PARP8: variants seen among roughly 807,000 people sequenced by gnomAD.
PARP8 encodes poly(ADP-ribose) polymerase family member 8.
Under a neutral mutation model 124.1 loss-of-function variants are expected in PARP8, and 51 were observed. The ratio of observed to expected loss-of-function variants is 0.41; its 90% confidence interval spans 0.33 to 0.52. The LOEUF (loss-of-function observed/expected upper bound fraction) is 0.52, where lower values mean the gene tolerates loss of function less well. PARP8 is among the 20% of genes least tolerant of loss of function. The pLI is 0.21. For missense variants in PARP8, 860 were observed against 1,018.9 expected, an observed-to-expected ratio of 0.84 and a Z score of 2.12; for synonymous variants, 391 against 361.5, an observed-to-expected ratio of 1.08 and a Z score of -0.93.
intron 7 of PARP8, among the ~76,000 whole-genome samples, chr5:50,772,135 G>C (rs1761687358): frequency 6.6e-6 from 1 of 152,094 alleles, no homozygotes; most frequent in South Asian, 2.1e-4. Flanking sequence ...CTTTACTTAA[G>C]ACTGTGTCCT....
Position 50,843,896 on chromosome 5 carries a change from A to T in PARP8, c.*1828A>T, listed in dbSNP as rs1211220513. The T allele has an allele frequency of 6.6e-6, 1 of 151,812 alleles. No individual in the cohort carries two copies. Among genetic ancestry groups the T allele is most frequent in the Admixed American group, 6.6e-5 (1 of 15,182 alleles). The allele number at this position is 151,812 out of a possible 1,614,324, so 9.4% of individuals were successfully genotyped here. A position where few individuals can be genotyped will look rare whatever the true frequency, so the allele number is the denominator to read the frequency against. ...TATACATGACAAACATGAAGATCTA[A>T]TATCAAGATTTGGGAGACGGGATCT... is the stretch of plus-strand genomic sequence containing the variant. On this transcript the variant is annotated 3_prime_UTR_variant, in exon 26 of 26. Transcript: ENST00000281631.
intron 2 of PARP8, among the ~76,000 whole-genome samples, chr5:50,733,786 A>G (rs1435546539): frequency 6.6e-6 from 1 of 152,044 alleles, no homozygotes; most frequent in African/African-American, 2.4e-5. Context: ...AGTATTTATT[A>G]TGATTATTTC....
At position 50,747,131 on chromosome 5, in the gene PARP8, T is replaced by C. The variant is rs116544180; in HGVS notation, c.147-3020T>C. 5.1e-3 allele frequency among the ~76,000 whole-genome samples: 766 copies of C among 149,720 alleles called. 8 individuals carry two copies. Among genetic ancestry groups the C allele is most frequent in the African/African-American group, 0.018 (717 of 40,730 alleles). On this transcript the variant is annotated intron_variant, in intron 2 of 25. Coordinates refer to ENST00000281631, the MANE Select transcript of PARP8 (RefSeq NM_024615.4). Reference sequence around the variant, plus strand: ...TACTTCTTTTCTACTCATCTACTTATTCAGTTATGGTTTTTTTTGTTTGTT... The same window carrying C: ...TACTTCTTTTCTACTCATCTACTTACTCAGTTATGGTTTTTTTTGTTTGTT...
At chr5:50,699,370 A>C (rs1024265915) in intron 2 of PARP8, among the ~76,000 whole-genome samples, 1 of 152,222 alleles carries the variant, frequency 6.6e-6, no homozygotes, top group Non-Finnish European at 1.5e-5. Context: ...TGGAATCTTC[A>C]GAAATAATTG....
At chr5:50,758,995 A>T (rs1262724013) in intron 3 of PARP8, among the ~76,000 whole-genome samples, 3 of 152,200 alleles carry the variant, frequency 2.0e-5, no homozygotes, top group Admixed American at 6.5e-5. Context: ...TCAATTTAAA[A>T]ATATGTATTA....
intron 21 of PARP8, among the ~76,000 whole-genome samples, chr5:50,829,173 G>T (rs187875330): frequency 6.6e-6 from 1 of 152,208 alleles, no homozygotes; most frequent in East Asian, 1.9e-4. Context: ...AGGATATCAT[G>T]GCAGTCATCT....
At chr5:50,684,750 A>C (rs757500834) in intron 2 of PARP8, among the ~76,000 whole-genome samples, 9 of 152,124 alleles carry the variant, frequency 5.9e-5, no homozygotes, top group Non-Finnish European at 8.8e-5. Flanking sequence ...CAGGATGGCT[A>C]CTCTGAAGTC....
At position 50,750,372 on chromosome 5, in the gene PARP8, G is replaced by A. The variant is rs144459850; in HGVS notation, c.184+184G>A. Among the ~76,000 whole-genome samples the A allele has an allele frequency of 2.6e-5, 4 of 152,180 alleles. No individual in the cohort carries two copies. The East Asian group carries it at 7.7e-4, about 29-fold the overall frequency. ...TACATGTCTTACTCTGAGACACAGT[G>A]CAGAATCAAAATAATTTCCCAATGA... is the stretch of plus-strand genomic sequence containing the variant. On this transcript the variant is annotated intron_variant, in intron 3 of 25. Transcript: ENST00000281631.
chr5:50,741,828 T>TA (rs889345995), intron 2 of PARP8: 2 of 435,688 alleles, frequency 4.6e-6, no homozygotes, highest in Non-Finnish European at 9.0e-6. Flanking sequence ...TTTTTTTTTT[T>TA]AGGTAGAATT....
chr5:50,772,390 A>G (rs1220223502), intron 7 of PARP8, among the ~76,000 whole-genome samples: 1 of 152,180 alleles, frequency 6.6e-6, no homozygotes, highest in Non-Finnish European at 1.5e-5. Context: ...GCTGGGCCAC[A>G]TGGTGGTTCT....
rs747503231 is a variant in PARP8 at position 50,822,397 on chromosome 5, A to C, written c.1857A>C (p.Thr619=). The change falls in exon 17 of 26, where the codon ACA becomes ACC. Residue 619 remains threonine (T), a synonymous_variant. Transcript: ENST00000281631. ...GCATAACTTCTATCAGAGAAATGAC[A>C]CAAGTAAGTATGTCATCTGGTCTTG... ...LDSITSIREM[T]QAPYLEIKKQ... is the part of the protein sequence containing the mutation. 6 of 1,603,348 alleles carry C rather than the reference A, an allele frequency of 3.7e-6. No homozygotes were observed. The highest frequency in any genetic ancestry group is 1.3e-5 in the African/African-American group (1 of 74,676).
rs181992425 is a variant in PARP8, at chr5:50,790,924, A to G, written c.737+2335A>G. 7.2e-5 allele frequency among the ~76,000 whole-genome samples: 11 copies of G among 152,296 alleles called. No individual in the cohort carries two copies. In the East Asian group the frequency reaches 9.6e-4, roughly 13 times the overall value. ...GTCTGATATGTTTGTTTCCCTAATTATAAATAATTAGATTTGGCTATGATC... is the reference window on the plus strand; with the variant it reads ...GTCTGATATGTTTGTTTCCCTAATTGTAAATAATTAGATTTGGCTATGATC... On this transcript the variant is annotated intron_variant, in intron 10 of 25. Transcript: ENST00000281631.
intron 2 of PARP8, chr5:50,745,050 A>G (rs1580177015): frequency 6.4e-6 from 2 of 311,626 alleles, no homozygotes; most frequent in Non-Finnish European, 1.2e-5. Flanking sequence ...ACAAAGTGAA[A>G]CTGATTAGGA....
intron 2 of PARP8, among the ~76,000 whole-genome samples, chr5:50,692,817 G>A (rs1752640836): frequency 1.3e-5 from 2 of 152,048 alleles, no homozygotes; most frequent in African/African-American, 4.8e-5. Flanking sequence ...TTGGCACCTT[G>A]TGTGATCTGT....
intron 14 of PARP8, among the ~76,000 whole-genome samples, chr5:50,804,704 T>G (rs1336737206): frequency 6.6e-6 from 1 of 152,164 alleles, no homozygotes; most frequent in African/African-American, 2.4e-5. Flanking sequence ...GTTAACATTG[T>G]TCTAGAACAG....
chr5:50,675,975 C>A (rs1365895615), intron 2 of PARP8, among the ~76,000 whole-genome samples: 1 of 152,148 alleles, frequency 6.6e-6, no homozygotes, highest in Non-Finnish European at 1.5e-5. Context: ...TATGTGATGG[C>A]ATTTCCCAAA....
At chr5:50,792,781 C>G (rs979952184) in intron 10 of PARP8, among the ~76,000 whole-genome samples, 2 of 152,062 alleles carry the variant, frequency 1.3e-5, no homozygotes, top group Non-Finnish European at 2.9e-5. Context: ...TTTTATTCCC[C>G]TTTTCTCACC....
intron 16 of PARP8, among the ~76,000 whole-genome samples, chr5:50,821,822 A>G (rs1448792023): frequency 1.3e-5 from 2 of 152,368 alleles, no homozygotes; most frequent in East Asian, 3.9e-4. Flanking sequence ...TTTTCTTGGA[A>G]GAACTTTATT....
intron 2 of PARP8, among the ~76,000 whole-genome samples, chr5:50,678,395 A>G (rs887553625): frequency 1.3e-5 from 2 of 152,144 alleles, no homozygotes; most frequent in African/African-American, 4.8e-5. Flanking sequence ...TCATACTACA[A>G]TTGCAACACA....
Sources: gnomAD v4.1 joint callset for allele counts (sites outside exome capture counted in the v4.1 genomes callset) on GRCh38, gnomAD v4.1.1 for gene constraint, MANE v1.5 for transcripts, NCBI Gene and HGNC (gene_info 2026-07-23, HGNC 2026-07-21) for gene names.